Variants in USP37 observed in about 807,000 individuals in gnomAD.
USP37 encodes the protein ubiquitin specific peptidase 37.
A neutral mutation model predicts 124.0 loss-of-function variants in USP37; 27 were observed. That is an observed-to-expected ratio of 0.22 (90% confidence interval 0.16 to 0.30). The LOEUF is 0.30. Ranked by LOEUF, USP37 falls within the 10% of genes least tolerant of loss-of-function variation. The pLI is 1.00. For missense variants in USP37, 889 were observed against 1,140.4 expected (o/e 0.78, Z 3.17); for synonymous variants, 365 against 388.0 (o/e 0.94, Z 0.70).
chr2:218,533,694 C>A (rs896242489), intron 9 of USP37, among the ~76,000 whole-genome samples: 3 of 152,100 alleles, frequency 2.0e-5, no homozygotes, highest in Admixed American at 6.6e-5. Context: ...CAATCCCAAA[C>A]CACTAAAAGA....
intron 8 of USP37, among the ~76,000 whole-genome samples, chr2:218,544,440 G>GAGAT (rs1299211667): frequency 7.3e-6 from 1 of 137,634 alleles, no homozygotes. Flanking sequence ...TAGAGAGAGA[G>GAGAT]AGAGAGAGAG....
intron 10 of USP37, among the ~76,000 whole-genome samples, chr2:218,510,990 A>G (rs573387417): frequency 6.6e-6 from 1 of 152,092 alleles, no homozygotes; most frequent in African/African-American, 2.4e-5. Context: ...GTGAGAAGGC[A>G]TCTCCAAAAA....
At chr2:218,474,396 C>CT (rs1690851488) in intron 20 of USP37, among the ~76,000 whole-genome samples, 1 of 152,162 alleles carries the variant, frequency 6.6e-6, no homozygotes, top group Non-Finnish European at 1.5e-5. Flanking sequence ...GAGTCTCACT[C>CT]TGTCGCCCAG....
At chr2:218,504,197 T>A (rs1393595467) in intron 11 of USP37, among the ~76,000 whole-genome samples, 1 of 152,236 alleles carries the variant, frequency 6.6e-6, no homozygotes, top group African/African-American at 2.4e-5. Context: ...TACAAATTTC[T>A]GACCTAAGTT....
intron 1 of USP37, among the ~76,000 whole-genome samples, chr2:218,566,674 C>A (rs1427883197): frequency 6.6e-6 from 1 of 152,134 alleles, no homozygotes; most frequent in East Asian, 1.9e-4. Context: ...CATAACAATC[C>A]AATAGGCTGA....
intron 9 of USP37, among the ~76,000 whole-genome samples, chr2:218,531,035 T>C (rs1460853380): frequency 6.6e-6 from 1 of 152,206 alleles, no homozygotes; most frequent in Non-Finnish European, 1.5e-5. Context: ...ACTACTGATA[T>C]TAAAGCTGCA....
intron 23 of USP37, among the ~76,000 whole-genome samples, chr2:218,459,052 A>C (rs548787203): frequency 1.6e-4 from 23 of 145,406 alleles, no homozygotes; most frequent in Non-Finnish European, 3.2e-4. Flanking sequence ...GAGGAGAAAA[A>C]GCAATTATTT....
chr2:218,538,814 T>C (rs1174944511), intron 8 of USP37, among the ~76,000 whole-genome samples: 1 of 152,156 alleles, frequency 6.6e-6, no homozygotes, highest in Non-Finnish European at 1.5e-5. Flanking sequence ...GATACAGTAG[T>C]TCCCCCTTAT....
At chr2:218,543,496 C>T (rs1205695928) in intron 8 of USP37, among the ~76,000 whole-genome samples, 34 of 107,338 alleles carry the variant, frequency 3.2e-4, no homozygotes, top group Non-Finnish European at 9.0e-5. Flanking sequence ...TGCATGACTC[C>T]GTCTCAAAAA....
intron 17 of USP37, among the ~76,000 whole-genome samples, chr2:218,481,770 C>A (rs756279059): frequency 6.6e-6 from 1 of 151,608 alleles, no homozygotes; most frequent in African/African-American, 2.4e-5. Flanking sequence ...ATCCTCCCAC[C>A]TCAGCCTCGA....
rs972288756 is a variant in USP37, at chr2:218,466,273, A to G, written c.2300-97T>C. On this transcript the variant is annotated intron_variant, in intron 20 of 25. Transcript: ENST00000258399. ...TACTGTTCATAAAGCAATTTACCCT[A>G]ATTTCATCTATAATTTGCTTAGGAC... 5.4e-6 allele frequency: 7 copies of G among 1,308,048 alleles called. No homozygotes were observed. The African/African-American group carries it at 8.9e-5, about 17-fold the overall frequency. 81.0% of individuals were successfully genotyped at this position (1,308,048 alleles called of 1,614,324 possible).
At chr2:218,532,155 G>C (rs1691363161) in intron 9 of USP37, among the ~76,000 whole-genome samples, 1 of 152,174 alleles carries the variant, frequency 6.6e-6, no homozygotes, top group South Asian at 2.1e-4. Context: ...GTCAATCAGA[G>C]ATGTGACAAA....
At chr2:218,539,959 A>G (rs1024829645) in intron 8 of USP37, among the ~76,000 whole-genome samples, 2 of 152,110 alleles carry the variant, frequency 1.3e-5, no homozygotes, top group African/African-American at 4.8e-5. Context: ...GCAATGAGCC[A>G]AGATCATGCC....
At chr2:218,493,417 T>C (rs1356089073) in intron 14 of USP37, among the ~76,000 whole-genome samples, 1 of 152,206 alleles carries the variant, frequency 6.6e-6, no homozygotes, top group Non-Finnish European at 1.5e-5. Context: ...TGCTGTACAA[T>C]TAAAGTGCCT....
chr2:218,506,040 T>C (rs1387993226), intron 11 of USP37, among the ~76,000 whole-genome samples: 2 of 151,948 alleles, frequency 1.3e-5, no homozygotes, highest in Admixed American at 1.3e-4. Flanking sequence ...ATTTTTGTAC[T>C]ATTTGTAGAG....
chr2:218,497,897 G>GCTA, intron 12 of USP37, 40 bp from the exon 13 acceptor site: 1 of 1,595,518 alleles, frequency 6.3e-7, no homozygotes, highest in South Asian at 1.1e-5. Flanking sequence ...CGTTTTACAT[G>GCTA]ACATGGCGTG....
At chr2:218,555,212 TAA>T (rs1559228648) in intron 4 of USP37, among the ~76,000 whole-genome samples, 2 of 152,198 alleles carry the variant, frequency 1.3e-5, no homozygotes, top group South Asian at 2.1e-4. Context: ...CAGGCATATA[TAA>T]AAGTTTCTAA....
chr2:218,496,382 T>C (rs769117521), intron 13 of USP37, among the ~76,000 whole-genome samples: 12 of 152,096 alleles, frequency 7.9e-5, no homozygotes, highest in Non-Finnish European at 1.6e-4. Flanking sequence ...GTGAAAACCC[T>C]TGAAAGTCAA....
chr2:218,542,428 G>A (rs1412334672), intron 8 of USP37, among the ~76,000 whole-genome samples: 1 of 152,188 alleles, frequency 6.6e-6, no homozygotes. Flanking sequence ...GTACCTCCCT[G>A]ATGTGCAGAA....
Sources: gnomAD v4.1 joint callset for allele counts (sites outside exome capture counted in the v4.1 genomes callset) on GRCh38, gnomAD v4.1.1 for gene constraint, MANE v1.5 for transcripts, NCBI Gene and HGNC (gene_info 2026-07-23, HGNC 2026-07-21) for gene names.